ARHGEF12: variants seen among roughly 807,000 people sequenced by gnomAD.
ARHGEF12 encodes the protein Rho guanine nucleotide exchange factor 12, also known as KMT2A/ARHGEF12 fusion protein.
ARHGEF12 carries 66 observed loss-of-function variants against 211.2 expected under a neutral mutation model. That is an observed-to-expected ratio of 0.31 (90% CI 0.26 to 0.38). The LOEUF is 0.38. Ranked by LOEUF, ARHGEF12 falls within the 10% of genes least tolerant of loss-of-function variation. The pLI is 1.00. For synonymous variants in ARHGEF12, 592 were observed against 638.4 expected, an observed-to-expected ratio of 0.93 and a Z score of 1.09; for missense variants, 1,429 against 1,869.5, an observed-to-expected ratio of 0.76 and a Z score of 4.34.
chr11:120,341,214 C>A (rs1051905825), intron 1 of ARHGEF12, among the ~76,000 whole-genome samples: 8 of 120,426 alleles, frequency 6.6e-5, no homozygotes, highest in Non-Finnish European at 1.4e-4. Context: ...CCCACCACCA[C>A]GCCTGGCTAA....
Position 120,451,537 on chromosome 11 carries a change from G to T in ARHGEF12, c.1869G>T (p.Lys623Asn). 1.9e-6 allele frequency: 3 copies of T among 1,614,110 alleles called. No homozygotes were observed. Among genetic ancestry groups the T allele is most frequent in the Non-Finnish European group, 2.5e-6 (3 of 1,180,032 alleles). Residue 623 changes from lysine (K) to asparagine (N), a missense_variant, in exon 22 of 41, where the codon AAG becomes AAT. Transcript: ENST00000397843. ...TTGGCAGAGCCATGGAACTACAGAA[G>T]GCGCGCCACCCTAAGCACTTATCCA... ...SAIGRAMELQ[K>N]ARHPKHLSTP...
intron 1 of ARHGEF12, among the ~76,000 whole-genome samples, chr11:120,397,716 C>T (rs1227291934): frequency 6.6e-6 from 1 of 152,184 alleles, no homozygotes; most frequent in Non-Finnish European, 1.5e-5. Flanking sequence ...TCTACACACT[C>T]CCGCTCTGTG....
rs1947192977 is a variant in ARHGEF12, at chr11:120,480,271, A to G, written c.4078A>G (p.Ile1360Val). 1.2e-6 allele frequency: 2 copies of G among 1,614,056 alleles called. No individual in the cohort carries two copies. Among genetic ancestry groups the G allele is most frequent in the South Asian group, 1.1e-5 (1 of 91,074 alleles). Residue 1360 changes from isoleucine to valine, a missense_variant, in exon 38 of 41, where the codon ATT (isoleucine) becomes GTT (valine). Coordinates refer to ENST00000397843, the MANE Select transcript of ARHGEF12 (RefSeq NM_015313.3). ...ASNILVMDHMIMTPEMPTMEP... is the reference protein window; with the variant it reads ...ASNILVMDHMVMTPEMPTMEP... ...TAACATTTTAGTAATGGACCACATG[A>G]TTATGACCCCAGAGATGCCTACCAT...
intron 10 of ARHGEF12, among the ~76,000 whole-genome samples, chr11:120,430,348 G>A (rs1945487939): frequency 6.6e-6 from 1 of 152,044 alleles, no homozygotes; most frequent in African/African-American, 2.4e-5. Context: ...ACTTGTCTGA[G>A]GTCATATAGC....
chr11:120,451,283 A>G (rs1321739120), intron 21 of ARHGEF12: 12 of 399,070 alleles, frequency 3.0e-5, no homozygotes, highest in Non-Finnish European at 4.6e-5. Flanking sequence ...GGTTGGAGCG[A>G]TTCTCCTGCC....
At chr11:120,392,077 C>A (rs527603421) in intron 1 of ARHGEF12, among the ~76,000 whole-genome samples, 1 of 152,188 alleles carries the variant, frequency 6.6e-6, no homozygotes, top group South Asian at 2.1e-4. Flanking sequence ...ATTAGCTGGC[C>A]CCTGTCTACT....
At chr11:120,344,661 G>A (rs1437058365) in intron 1 of ARHGEF12, among the ~76,000 whole-genome samples, 1 of 152,098 alleles carries the variant, frequency 6.6e-6, no homozygotes, top group Non-Finnish European at 1.5e-5. Flanking sequence ...CTGCTGAAGA[G>A]GTATTTAAAT....
intron 8 of ARHGEF12, 93 bp from the exon 9 acceptor site, chr11:120,429,347 G>T: frequency 1.9e-6 from 2 of 1,027,824 alleles, no homozygotes; most frequent in Non-Finnish European, 2.9e-6. Flanking sequence ...TTGGAGCCGA[G>T]GCAGAACTTT....
At chr11:120,409,288 A>G (rs747125191) in intron 3 of ARHGEF12, 106 bp from the exon 4 acceptor site, 2 of 1,102,564 alleles carry the variant, frequency 1.8e-6, no homozygotes, top group Non-Finnish European at 2.7e-6. Flanking sequence ...TTGTGTTTGC[A>G]CGATTTAACT....
chr11:120,431,796 G>C lies in ARHGEF12; in HGVS notation c.809G>C (p.Arg270Thr). 6.2e-7 allele frequency: 1 copy of C among 1,612,444 alleles called. No individual in the cohort carries two copies. Among genetic ancestry groups the C allele is most frequent in the Non-Finnish European group, 8.5e-7 (1 of 1,179,304 alleles). The change falls in exon 11 of 41, where the codon AGA (arginine) becomes ACA (threonine). Residue 270 changes from arginine (R) to threonine (T), a missense_variant. Physicochemically the swap from Arg to Thr is moderately conservative, Grantham distance 71. Coordinates refer to ENST00000397843, the MANE Select transcript of ARHGEF12 (RefSeq NM_015313.3). ...AQDGAVVTPSRPLGDTLTVSE... is the reference protein window; with the variant it reads ...AQDGAVVTPSTPLGDTLTVSE... The stretch of plus-strand genomic sequence containing the variant: ...GATGGAGCTGTAGTTACACCCTCCA[G>C]ACCTTTAGGGGACACCCTAACAGTC...
At chr11:120,352,270 A>G (rs879640719) in intron 1 of ARHGEF12, among the ~76,000 whole-genome samples, 6 of 152,194 alleles carry the variant, frequency 3.9e-5, no homozygotes, top group Non-Finnish European at 7.4e-5. Flanking sequence ...ATCTGTAAAC[A>G]TTGAACTTTT....
intron 1 of ARHGEF12, among the ~76,000 whole-genome samples, chr11:120,402,272 A>C (rs1944566331): frequency 6.6e-6 from 1 of 152,192 alleles, no homozygotes; most frequent in Non-Finnish European, 1.5e-5. Flanking sequence ...TCAATAGTAT[A>C]GTTTCTGCAC....
chr11:120,337,956 G>A, intron 1 of ARHGEF12: 1 of 962,426 alleles, frequency 1.0e-6, no homozygotes, highest in East Asian at 1.2e-4. Flanking sequence ...TAAGCCGTAA[G>A]CATAGTGTAA....
intron 1 of ARHGEF12, among the ~76,000 whole-genome samples, chr11:120,396,172 T>A (rs1944376965): frequency 1.3e-5 from 2 of 152,082 alleles, no homozygotes; most frequent in South Asian, 4.1e-4. Context: ...AGAGAATAAA[T>A]AACGTAGTAT....
At chr11:120,406,924 T>TATA (rs1944723008) in intron 2 of ARHGEF12, among the ~76,000 whole-genome samples, 1 of 152,236 alleles carries the variant, frequency 6.6e-6, no homozygotes, top group Non-Finnish European at 1.5e-5. Context: ...TATGCCTATA[T>TATA]CCATGTCTAT....
At chr11:120,340,720 A>C (rs1942509775) in intron 1 of ARHGEF12, among the ~76,000 whole-genome samples, 1 of 152,222 alleles carries the variant, frequency 6.6e-6, no homozygotes. Context: ...CAGTCCATAA[A>C]TACAAAATTG....
chr11:120,340,172 G>A lies in ARHGEF12; in HGVS notation c.32+2897G>A, dbSNP rs543525259. 4.2e-4 allele frequency among the ~76,000 whole-genome samples: 64 copies of A among 152,216 alleles called. 1 individual carries two copies. Among genetic ancestry groups the A allele is most frequent in the Admixed American group, 9.8e-4 (15 of 15,292 alleles). The stretch of plus-strand genomic sequence containing the variant: ...TTCAGTCTTAAAATACATCCTAATC[G>A]TTTCCAATCCTCCTACATGTCTTTC... On this transcript the variant is annotated intron_variant, in intron 1 of 40. Coordinates refer to ENST00000397843, the MANE Select transcript of ARHGEF12 (RefSeq NM_015313.3).
At chr11:120,474,516 A>T (rs756529605) in intron 31 of ARHGEF12, 44 bp from the exon 32 acceptor site, 1 of 1,389,622 alleles carries the variant, frequency 7.2e-7, no homozygotes. Context: ...CATGTTACTG[A>T]GTGCTTGGAA....
rs367850223 is a variant in ARHGEF12 at position 120,451,540 on chromosome 11, G to A, written c.1872G>A (p.Ala624=). The part of the protein sequence containing the change: ...AIGRAMELQK[A]RHPKHLSTPS... ...GCAGAGCCATGGAACTACAGAAGGC[G>A]CGCCACCCTAAGCACTTATCCACAC... is the stretch of plus-strand genomic sequence containing the variant. Residue 624 remains alanine (A), a synonymous_variant, in exon 22 of 41, where the codon GCG becomes GCA. Coordinates refer to ENST00000397843, the MANE Select transcript of ARHGEF12 (RefSeq NM_015313.3). The A allele has an allele frequency of 1.9e-5, 31 of 1,614,130 alleles. No homozygotes were observed. The East Asian group carries it at 4.0e-4, about 21-fold the overall frequency.
Sources: allele counts gnomAD v4.1 joint callset (sites outside exome capture counted in the v4.1 genomes callset), GRCh38; gene constraint gnomAD v4.1.1; transcripts MANE v1.5; gene names NCBI Gene and HGNC (gene_info 2026-07-23, HGNC 2026-07-21).